CSMD1: variants seen among roughly 807,000 people sequenced by gnomAD.
CSMD1 encodes the protein CUB and Sushi multiple domains 1.
A neutral mutation model predicts 417.5 loss-of-function variants in CSMD1; 213 were observed. That is an observed-to-expected ratio of 0.51 (90% confidence interval 0.46 to 0.57). The LOEUF is 0.57. Ranked by LOEUF, CSMD1 falls within the 20% of genes least tolerant of loss-of-function variation. The pLI is 0.00. For missense variants in CSMD1, 6,923 were observed against 4,529.7 expected (o/e 1.53, Z -15.17); for synonymous variants, 2,862 against 1,736.8 (o/e 1.65, Z -16.11).
chr8:4,355,056 A>C (rs889446179), intron 3 of CSMD1, among the ~76,000 whole-genome samples: 2 of 151,902 alleles, frequency 1.3e-5, no homozygotes, highest in African/African-American at 2.4e-5. Flanking sequence ...AGGTCAGGAG[A>C]TCGAGACCAT....
chr8:3,704,120 C>A (rs191028151), intron 7 of CSMD1, among the ~76,000 whole-genome samples: 1 of 152,182 alleles, frequency 6.6e-6, no homozygotes, highest in East Asian at 1.9e-4. Context: ...ATAATTAGAG[C>A]AGTCCTCCAT....
Position 4,223,042 on chromosome 8 carries a change from C to A in CSMD1, c.416-190943G>T, listed in dbSNP as rs533279112. 9.7e-4 allele frequency among the ~76,000 whole-genome samples: 148 copies of A among 152,190 alleles called. 1 individual carries two copies. The South Asian group carries it at 0.016, about 16-fold the overall frequency. On this transcript the variant is annotated intron_variant, in intron 3 of 69. Coordinates refer to ENST00000635120, the MANE Select transcript of CSMD1 (RefSeq NM_033225.6). ...AATAATAAGAAGAACTGACAACAGG[C>A]TTCCTACATTGGACATTGGAGAGCT... is the stretch of plus-strand genomic sequence containing the variant.
chr8:4,900,351 G>T (rs1213172474), intron 1 of CSMD1, among the ~76,000 whole-genome samples: 1 of 152,106 alleles, frequency 6.6e-6, no homozygotes, highest in African/African-American at 2.4e-5. Context: ...CAACTTTCAT[G>T]GCAGAAATGT....
chr8:3,768,295 G>C (rs1370964352), intron 5 of CSMD1, among the ~76,000 whole-genome samples: 1 of 152,114 alleles, frequency 6.6e-6, no homozygotes, highest in African/African-American at 2.4e-5. Context: ...TAGGTGGTTG[G>C]TTCACCTTCC....
chr8:4,955,240 CATCTTTGA>C (rs1809013356), intron 1 of CSMD1, among the ~76,000 whole-genome samples: 1 of 152,136 alleles, frequency 6.6e-6, no homozygotes, highest in Non-Finnish European at 1.5e-5. Flanking sequence ...TGTTGCAATG[CATCTTTGA>C]AACACAGTCA....
chr8:4,994,127 G>T (rs1185243091), intron 1 of CSMD1, among the ~76,000 whole-genome samples: 1 of 152,162 alleles, frequency 6.6e-6, no homozygotes, highest in African/African-American at 2.4e-5. Context: ...GGAATGGCGG[G>T]GTGGGGCGGG....
At chr8:4,198,467 G>A (rs931051802) in intron 3 of CSMD1, among the ~76,000 whole-genome samples, 1 of 152,114 alleles carries the variant, frequency 6.6e-6, no homozygotes, top group Non-Finnish European at 1.5e-5. Flanking sequence ...GGATTTGGGG[G>A]ATGAGAAAGA....
chr8:3,918,995 C>G (rs1176142325), intron 5 of CSMD1, among the ~76,000 whole-genome samples: 1 of 151,876 alleles, frequency 6.6e-6, no homozygotes, highest in East Asian at 1.9e-4. Flanking sequence ...ATTCATGTAA[C>G]CAAATACCAC....
intron 2 of CSMD1, among the ~76,000 whole-genome samples, chr8:4,500,793 G>T (rs1335801252): frequency 6.6e-6 from 1 of 152,088 alleles, no homozygotes; most frequent in Non-Finnish European, 1.5e-5. Flanking sequence ...TTCTAAAAAG[G>T]AGGCATGTTG....
chr8:4,991,216 A>G (rs1811446928), intron 1 of CSMD1, among the ~76,000 whole-genome samples: 1 of 152,234 alleles, frequency 6.6e-6, no homozygotes, highest in Non-Finnish European at 1.5e-5. Flanking sequence ...CCTGTTTACC[A>G]GATGAAAATG....
intron 3 of CSMD1, among the ~76,000 whole-genome samples, chr8:4,272,537 G>C (rs1373435504): frequency 6.6e-6 from 1 of 152,112 alleles, no homozygotes; most frequent in African/African-American, 2.4e-5. Flanking sequence ...CATAACAAGT[G>C]ATTTGCTTCA....
chr8:4,255,086 G>C (rs1382223195), intron 3 of CSMD1, among the ~76,000 whole-genome samples: 2 of 152,128 alleles, frequency 1.3e-5, no homozygotes, highest in East Asian at 1.9e-4. Context: ...TGCTCAAATG[G>C]TTTAACCCCT....
rs184076429 is a variant in CSMD1, at chr8:3,792,304, G to A, written c.819-38262C>T. Among the ~76,000 whole-genome samples the A allele has an allele frequency of 6.6e-5, 10 of 151,708 alleles. No homozygotes were observed. The East Asian group carries it at 1.4e-3, about 21-fold the overall frequency. On this transcript the variant is annotated intron_variant, in intron 5 of 69. Coordinates refer to ENST00000635120, the MANE Select transcript of CSMD1 (RefSeq NM_033225.6). ...AGAGACCTGGTCTCAAAAAGAAGAA[G>A]AAAAAAACTTCCTGGGAGATAATAA...
intron 1 of CSMD1, among the ~76,000 whole-genome samples, chr8:4,703,136 T>C (rs968529325): frequency 5.3e-5 from 8 of 152,200 alleles, no homozygotes; most frequent in Non-Finnish European, 1.2e-4. Flanking sequence ...AGATGCAATA[T>C]CTGGCAGAAA....
intron 1 of CSMD1, among the ~76,000 whole-genome samples, chr8:4,884,937 G>C (rs1803642998): frequency 6.6e-6 from 1 of 152,076 alleles, no homozygotes; most frequent in Admixed American, 6.5e-5. Context: ...CAGCTTAACT[G>C]AAGATTGCTG....
At chr8:3,445,579 A>C (rs930477307) in intron 12 of CSMD1, among the ~76,000 whole-genome samples, 10 of 152,184 alleles carry the variant, frequency 6.6e-5, no homozygotes, top group African/African-American at 2.4e-4. Flanking sequence ...GCGGATGATG[A>C]ATCAGTGCAT....
chr8:4,270,256 A>G (rs1423812380), intron 3 of CSMD1, among the ~76,000 whole-genome samples: 2 of 152,102 alleles, frequency 1.3e-5, no homozygotes, highest in Admixed American at 1.3e-4. Flanking sequence ...TCTTACAAAT[A>G]GTTCTCATTT....
intron 8 of CSMD1, among the ~76,000 whole-genome samples, chr8:3,598,463 G>T (rs1052136297): frequency 1.1e-4 from 17 of 152,082 alleles, no homozygotes; most frequent in Non-Finnish European, 2.2e-4. Context: ...TTCCTTCTGG[G>T]ACCGACCGCC....
chr8:4,313,548 A>C (rs563109143), intron 3 of CSMD1, among the ~76,000 whole-genome samples: 1 of 151,196 alleles, frequency 6.6e-6, no homozygotes, highest in African/African-American at 2.4e-5. Context: ...CATCAGGAGG[A>C]AATACGTGTT....
Sources: allele counts gnomAD v4.1 joint callset (sites outside exome capture counted in the v4.1 genomes callset), GRCh38; gene constraint gnomAD v4.1.1; transcripts MANE v1.5; gene names NCBI Gene and HGNC (gene_info 2026-07-23, HGNC 2026-07-21).